Variants in KIF5B observed in about 807,000 individuals in gnomAD.
The protein encoded by KIF5B is kinesin family member 5B.
A neutral mutation model predicts 132.8 loss-of-function variants in KIF5B; 49 were observed. The ratio of observed to expected loss-of-function variants is 0.37; its 90% CI spans 0.29 to 0.47. The LOEUF is 0.47. KIF5B is among the 20% of genes least tolerant of loss of function. KIF5B has a pLI of 1.00. For missense variants in KIF5B, 780 were observed against 1,144.0 expected (o/e 0.68, Z 4.59); for synonymous variants, 355 against 369.4 (o/e 0.96, Z 0.45).
intron 15 of KIF5B, among the ~76,000 whole-genome samples, chr10:32,027,224 A>G (rs1194879738): frequency 1.3e-5 from 2 of 152,148 alleles, no homozygotes; most frequent in Admixed American, 6.5e-5. Context: ...TTGTATTGTA[A>G]TTAGGCTTTA....
intron 2 of KIF5B, among the ~76,000 whole-genome samples, chr10:32,044,681 TAA>T (rs879367290): frequency 4.2e-5 from 6 of 142,280 alleles, no homozygotes; most frequent in Admixed American, 7.0e-5. Flanking sequence ...CGTCTCAATT[TAA>T]AAAAAAAAAA....
At chr10:32,023,196 AAAGGTAAAT>A (rs759478121) in intron 15 of KIF5B, among the ~76,000 whole-genome samples, 160 bp from the exon 16 acceptor site, 9 of 152,214 alleles carry the variant, frequency 5.9e-5, no homozygotes, top group Non-Finnish European at 1.3e-4. Context: ...GTTTTCAACG[AAAGGTAAAT>A]AAATACAGCT....
intron 1 of KIF5B, among the ~76,000 whole-genome samples, chr10:32,049,427 C>T (rs11008750): frequency 0.27 from 41,183 of 151,940 alleles, 5,731 homozygotes; most frequent in East Asian, 0.38. Flanking sequence ...CTCATCATCA[C>T]TCTCCCCAGT....
At chr10:32,020,776 G>T (rs529989400) in intron 19 of KIF5B, among the ~76,000 whole-genome samples, 2 of 152,022 alleles carry the variant, frequency 1.3e-5, no homozygotes, top group South Asian at 4.2e-4. Context: ...GAAGACTGTG[G>T]TATGCAATAA....
At chr10:32,052,092 G>A (rs1841700864) in intron 1 of KIF5B, among the ~76,000 whole-genome samples, 1 of 152,172 alleles carries the variant, frequency 6.6e-6, no homozygotes, top group Non-Finnish European at 1.5e-5. Context: ...GGTTCCTTAA[G>A]GGAAGTGATT....
At chr10:32,014,820 G>A (rs1356065259) in intron 25 of KIF5B, among the ~76,000 whole-genome samples, 1 of 152,132 alleles carries the variant, frequency 6.6e-6, no homozygotes, top group Admixed American at 6.5e-5. Flanking sequence ...AACAGGTTAG[G>A]GAATACAAGG....
At position 32,015,608 on chromosome 10, in the gene KIF5B, C is replaced by T. The variant is rs750217497; in HGVS notation, c.2813G>A (p.Ser938Asn). 64 of 1,613,678 alleles carry T rather than the reference C, an allele frequency of 4.0e-5. No homozygotes were observed. The highest frequency in any genetic ancestry group is 5.0e-5 in the Non-Finnish European group (59 of 1,179,782). ...AAATGCACCTCCTCCACGAATTGCACTTGGGTGAGTTGGAGAAGCTGCTGG... is the reference window on the plus strand; with the variant it reads ...AAATGCACCTCCTCCACGAATTGCATTTGGGTGAGTTGGAGAAGCTGCTGG... The part of the protein sequence containing the change: ...QHPAASPTHP[S>N]AIRGGGAFVQ... The change falls in exon 25 of 26, where the codon AGT becomes AAT. Residue 938 changes from serine (S) to asparagine (N), a missense_variant. Around this residue, in one of 9 missense-constraint regions of KIF5B, gnomAD observed 90 missense variants for 101.8 expected, o/e 0.88. Transcript: ENST00000302418.
intron 25 of KIF5B, among the ~76,000 whole-genome samples, chr10:32,014,426 C>G (rs991845372): frequency 7.5e-4 from 93 of 124,242 alleles, no homozygotes; most frequent in Non-Finnish European, 1.3e-3. Flanking sequence ...TTTGTGGGGG[C>G]AGGGGGCCGG....
intron 25 of KIF5B, among the ~76,000 whole-genome samples, chr10:32,015,268 T>C (rs1841143214): frequency 6.6e-6 from 1 of 152,184 alleles, no homozygotes. Flanking sequence ...GGTACATCCA[T>C]TAGACACAGT....
At chr10:32,036,729 A>G (rs1240483545) in intron 8 of KIF5B, among the ~76,000 whole-genome samples, 1 of 152,282 alleles carries the variant, frequency 6.6e-6, no homozygotes, top group African/African-American at 2.4e-5. Context: ...CATTCTAAGC[A>G]GAAGAAACAA....
At chr10:32,055,740 G>T in intron 1 of KIF5B, 108 bp downstream of exon 1, 1 of 1,425,322 alleles carries the variant, frequency 7.0e-7, no homozygotes, top group South Asian at 1.3e-5. Context: ...GGGGAGGGCT[G>T]GGGACACCGC....
intron 1 of KIF5B, among the ~76,000 whole-genome samples, chr10:32,049,507 T>C (rs1841660967): frequency 6.6e-6 from 1 of 152,128 alleles, no homozygotes; most frequent in African/African-American, 2.4e-5. Context: ...TACTTAAAGA[T>C]CCTAAGGCAG....
At chr10:32,019,296 T>G (rs1841224966) in intron 20 of KIF5B, among the ~76,000 whole-genome samples, 2 of 152,196 alleles carry the variant, frequency 1.3e-5, no homozygotes. Flanking sequence ...GGTCCTGATG[T>G]TCTAACTATC....
At position 32,036,880 on chromosome 10, in the gene KIF5B, A is replaced by G. The variant is rs371053498; in HGVS notation, c.711+374T>C. On this transcript the variant is annotated intron_variant, in intron 8 of 25. Coordinates refer to ENST00000302418, the MANE Select transcript of KIF5B (RefSeq NM_004521.3). ...AAAGAAATAAGTCCAACCAAACCAG[A>G]AAAGACTAATCGAGAGTTACCAGTT... Among the ~76,000 whole-genome samples, 359 of 152,330 alleles carry G rather than the reference A, an allele frequency of 2.4e-3. 3 individuals carry two copies. Among genetic ancestry groups the G allele is most frequent in the Middle Eastern group, 0.017 (5 of 294 alleles).
At chr10:32,015,758 G>T in intron 24 of KIF5B, 99 bp from the exon 25 acceptor site, 1 of 1,031,800 alleles carries the variant, frequency 9.7e-7, no homozygotes, top group Non-Finnish European at 1.4e-6. Context: ...ATTCCCAAAT[G>T]TTTTGTTTTT....
Position 32,017,175 on chromosome 10 carries a change from T to C in KIF5B, c.2729A>G (p.Asn910Ser). 1 of 1,614,230 alleles carries C rather than the reference T, an allele frequency of 6.2e-7. No individual in the cohort carries two copies. The highest frequency in any genetic ancestry group is 8.5e-7 in the Non-Finnish European group (1 of 1,180,018). The change falls in exon 24 of 26, where the codon AAT (asparagine) becomes AGT (serine). Residue 910 changes from asparagine (N) to serine (S), a missense_variant. By Grantham distance (46) the Asn-to-Ser change is conservative. Transcript: ENST00000302418. ...DRIKEAVRSK[N>S]MARRGHSAQI... is the part of the protein sequence containing the mutation. ...TGCAGAATGCCCTCTTCTGGCCATATTCTTTGACCTGACTGCTTCCTTTAT... is the reference window on the plus strand; with the variant it reads ...TGCAGAATGCCCTCTTCTGGCCATACTCTTTGACCTGACTGCTTCCTTTAT...
rs1190471465 is a variant in KIF5B, at chr10:32,055,979, T to C, written c.-6A>G. 1 of 1,603,176 alleles carries C rather than the reference T, an allele frequency of 6.2e-7. No homozygotes were observed. Among genetic ancestry groups the C allele is most frequent in the Non-Finnish European group, 8.5e-7 (1 of 1,179,770 alleles). ...CACTCGGCCAGGTCCGCCATCTTTC[T>C]CGCAGCCGGGGCCGGCGGCCGGGAG... On this transcript the variant is annotated 5_prime_UTR_variant, in exon 1 of 26. Coordinates refer to ENST00000302418, the MANE Select transcript of KIF5B (RefSeq NM_004521.3).
At chr10:32,047,027 T>C (rs1050772939) in intron 2 of KIF5B, among the ~76,000 whole-genome samples, 1 of 152,210 alleles carries the variant, frequency 6.6e-6, no homozygotes, top group Non-Finnish European at 1.5e-5. Context: ...TGTTAAATAT[T>C]TCATATGATT....
At chr10:32,044,664 G>A (rs866621909) in intron 2 of KIF5B, among the ~76,000 whole-genome samples, 21 of 151,194 alleles carry the variant, frequency 1.4e-4, no homozygotes, top group South Asian at 4.2e-4. Flanking sequence ...CAACAAGAGC[G>A]AAACTCCGTC....
Sources: gnomAD v4.1 joint callset for allele counts (sites outside exome capture counted in the v4.1 genomes callset) on GRCh38, gnomAD v4.1.1 for gene constraint, gnomAD v4.1.1 regional missense constraint, MANE v1.5 for transcripts, NCBI Gene and HGNC (gene_info 2026-07-23, HGNC 2026-07-21) for gene names.